VRK2: variants seen among roughly 807,000 people sequenced by gnomAD.
VRK2 encodes serine/threonine-protein kinase VRK2.
In VRK2, 60 loss-of-function variants were observed where a neutral mutation model predicts 57.6. The observed-to-expected ratio is 1.04, with a 90% CI of 0.85 to 1.29. The LOEUF is 1.29. VRK2 is among the 50% of genes most tolerant of loss of function. VRK2 has a pLI of 0.00. For missense variants in VRK2, 705 were observed against 588.1 expected (o/e 1.20, Z -2.06); for synonymous variants, 231 against 199.2 (o/e 1.16, Z -1.35).
intron 7 of VRK2, among the ~76,000 whole-genome samples, chr2:58,094,944 G>A (rs1318037630): frequency 6.6e-6 from 1 of 152,130 alleles, no homozygotes; most frequent in Non-Finnish European, 1.5e-5. Context: ...TCCGTTTTCA[G>A]TGTTATCTTA....
intron 2 of VRK2, among the ~76,000 whole-genome samples, chr2:58,059,273 T>C (rs1676983822): frequency 6.6e-6 from 1 of 152,010 alleles, no homozygotes; most frequent in Admixed American, 6.6e-5. Flanking sequence ...ATGAGAAAGA[T>C]TTGTTGGATT....
chr2:57,919,017 C>T (rs1361668735), intron 1 of VRK2, among the ~76,000 whole-genome samples: 1 of 152,002 alleles, frequency 6.6e-6, no homozygotes, highest in Non-Finnish European at 1.5e-5. Context: ...GTTCTATTGA[C>T]CATCTTGGTT....
At chr2:57,980,210 T>C (rs565609585) in intron 1 of VRK2, among the ~76,000 whole-genome samples, 4 of 152,298 alleles carry the variant, frequency 2.6e-5, no homozygotes, top group South Asian at 4.1e-4. Flanking sequence ...TTTAGCTGTG[T>C]CCTGGAGGTT....
intron 1 of VRK2, among the ~76,000 whole-genome samples, chr2:57,965,771 C>A (rs1671897953): frequency 6.6e-6 from 1 of 152,158 alleles, no homozygotes; most frequent in Non-Finnish European, 1.5e-5. Context: ...AGGCTGAGTC[C>A]AGACCCCGAA....
intron 1 of VRK2, among the ~76,000 whole-genome samples, chr2:57,975,501 A>G (rs1285999727): frequency 6.6e-6 from 1 of 151,860 alleles, no homozygotes; most frequent in Non-Finnish European, 1.5e-5. Flanking sequence ...TTAAATTTCA[A>G]TTTTATTTTA....
At chr2:58,014,599 A>T (rs17049299) in intron 1 of VRK2, among the ~76,000 whole-genome samples, 21,128 of 152,154 alleles carry the variant, frequency 0.14, 1,795 homozygotes, top group African/African-American at 0.24. Context: ...CTGCTTGCAC[A>T]CTATGCAGCA....
chr2:57,923,884 T>C (rs960651321), intron 1 of VRK2, among the ~76,000 whole-genome samples: 1 of 152,028 alleles, frequency 6.6e-6, no homozygotes, highest in Non-Finnish European at 1.5e-5. Flanking sequence ...TTTAATTCAT[T>C]TTTATTTGAT....
At chr2:57,943,045 C>G (rs371740910) in intron 1 of VRK2, among the ~76,000 whole-genome samples, 11 of 152,140 alleles carry the variant, frequency 7.2e-5, no homozygotes, top group African/African-American at 2.4e-4. Context: ...CAATTAAAAT[C>G]CACAGTGTTT....
At chr2:57,910,630 T>C (rs1387396178) in intron 1 of VRK2, among the ~76,000 whole-genome samples, 2 of 152,158 alleles carry the variant, frequency 1.3e-5, no homozygotes, top group African/African-American at 2.4e-5. Flanking sequence ...GCCAACCTTA[T>C]AGGACTGAGG....
At chr2:58,129,224 T>C (rs545526770) in intron 8 of VRK2, among the ~76,000 whole-genome samples, 11 of 152,270 alleles carry the variant, frequency 7.2e-5, no homozygotes, top group African/African-American at 2.6e-4. Context: ...TGTCCATAAT[T>C]ACATTAATTA....
intron 2 of VRK2, among the ~76,000 whole-genome samples, chr2:58,067,475 T>C (rs1204234874): frequency 6.6e-6 from 1 of 152,204 alleles, no homozygotes; most frequent in African/African-American, 2.4e-5. Flanking sequence ...GGTTTTATAG[T>C]GATAGTCTCT....
At chr2:58,049,391 A>G (rs1489605346) in intron 2 of VRK2, among the ~76,000 whole-genome samples, 1 of 152,208 alleles carries the variant, frequency 6.6e-6, no homozygotes, top group African/African-American at 2.4e-5. Context: ...TGGAGAATTC[A>G]TAGATAAAAC....
intron 1 of VRK2, among the ~76,000 whole-genome samples, chr2:57,921,677 T>C (rs75969791): frequency 0.01 from 1,557 of 152,240 alleles, 29 homozygotes; most frequent in African/African-American, 0.036. Flanking sequence ...AACTGCTAGT[T>C]CCCATAGGGA....
rs190682633 is a variant in VRK2 at position 57,952,425 on chromosome 2, C to T, written c.-439+44586C>T. Among the ~76,000 whole-genome samples the T allele has an allele frequency of 3.3e-5, 5 of 152,220 alleles. 1 individual carries two copies. Among genetic ancestry groups the T allele is most frequent in the South Asian group, 4.1e-4 (2 of 4,830 alleles). ...GAAGAAAGAAAGGAGATAACAAAAA[C>T]GAAAGAGGGAATTAACATTTTGGCT... On this transcript the variant is annotated intron_variant, in intron 1 of 15. Transcript: ENST00000417641.
intron 1 of VRK2, among the ~76,000 whole-genome samples, chr2:57,957,713 A>G (rs1215394481): frequency 6.6e-6 from 1 of 151,218 alleles, no homozygotes; most frequent in Non-Finnish European, 1.5e-5. Flanking sequence ...ACCAACTGAA[A>G]TAGTGAATTT....
At chr2:58,126,079 C>A (rs533826400) in intron 8 of VRK2, among the ~76,000 whole-genome samples, 2 of 151,760 alleles carry the variant, frequency 1.3e-5, no homozygotes, top group Admixed American at 6.6e-5. Flanking sequence ...TCAGAAAAAT[C>A]TTTTTTTCAG....
At position 57,940,782 on chromosome 2, in the gene VRK2, A is replaced by T. The variant is rs1288477079; in HGVS notation, c.-439+32943A>T. On this transcript the variant is annotated intron_variant, in intron 1 of 15. Transcript: ENST00000417641. ...TGTTCTCACAGTTTCACATGAGGCA[A>T]TGAAACAAATAATGCTAACTAAACT... 2.0e-5 allele frequency among the ~76,000 whole-genome samples: 3 copies of T among 152,200 alleles called. No homozygotes were observed. The East Asian group carries it at 5.8e-4, about 29-fold the overall frequency.
rs1572901253 is a variant in VRK2, at chr2:57,954,572, G to GGACTGTAGAGGAA, written c.-439+46733_-439+46734insGACTGTAGAGGAA. On this transcript the variant is annotated intron_variant, in intron 1 of 15. Transcript: ENST00000417641. ...GTTACATCTTTTAGGAAATAAAAAAGTTCCTAAAACTCAATATACTAAAAG... is the reference window on the plus strand; with the variant it reads ...GTTACATCTTTTAGGAAATAAAAAAGGACTGTAGAGGAATTCCTAAAACTCAATATACTAAAAG... Among the ~76,000 whole-genome samples, 3 of 151,962 alleles carry GGACTGTAGAGGAA rather than the reference G, an allele frequency of 2.0e-5. No homozygotes were observed. In the East Asian group the frequency reaches 5.8e-4, roughly 29 times the overall value.
intron 11 of VRK2, among the ~76,000 whole-genome samples, chr2:58,143,597 C>T (rs929590885): frequency 6.6e-6 from 1 of 151,892 alleles, no homozygotes; most frequent in Non-Finnish European, 1.5e-5. Flanking sequence ...ATATATTATA[C>T]TGAATTTTGC....
Sources: allele counts gnomAD v4.1 joint callset (sites outside exome capture counted in the v4.1 genomes callset), GRCh38; gene constraint gnomAD v4.1.1; transcripts MANE v1.5; gene names NCBI Gene and HGNC (gene_info 2026-07-23, HGNC 2026-07-21).